Variants in ADAMTS17 observed in about 807,000 individuals in gnomAD.
ADAMTS17 encodes the protein ADAM metallopeptidase with thrombospondin type 1 motif 17.
In ADAMTS17, 113 loss-of-function variants were observed where a neutral mutation model predicts 141.5. The observed-to-expected ratio is 0.80, with a 90% CI of 0.69 to 0.93. ADAMTS17 has a LOEUF of 0.93. ADAMTS17 is among the 40% of genes least tolerant of loss of function. ADAMTS17 has a pLI of 0.00. For synonymous variants in ADAMTS17, 768 were observed against 630.6 expected, an observed-to-expected ratio of 1.22 and a Z score of -3.27; for missense variants, 1,659 against 1,517.9, an observed-to-expected ratio of 1.09 and a Z score of -1.54.
At chr15:100,229,230 C>T (rs944516769) in intron 7 of ADAMTS17, among the ~76,000 whole-genome samples, 3 of 152,140 alleles carry the variant, frequency 2.0e-5, no homozygotes, top group African/African-American at 4.8e-5. Context: ...AAATAGGACG[C>T]AAAGATGGTT....
intron 8 of ADAMTS17, among the ~76,000 whole-genome samples, chr15:100,166,940 A>G (rs2039972789): frequency 6.6e-6 from 1 of 152,218 alleles, no homozygotes; most frequent in African/African-American, 2.4e-5. Flanking sequence ...TCACAGAGAA[A>G]TCAGCAGGCT....
At chr15:100,243,754 CA>C (rs1278566355) in intron 7 of ADAMTS17, among the ~76,000 whole-genome samples, 1 of 148,100 alleles carries the variant, frequency 6.8e-6, no homozygotes, top group African/African-American at 2.5e-5. Context: ...CCTGCCACTG[CA>C]CTCCAGCCTG....
intron 4 of ADAMTS17, among the ~76,000 whole-genome samples, chr15:100,263,567 C>T (rs574803686): frequency 3.9e-4 from 60 of 152,242 alleles, no homozygotes; most frequent in Non-Finnish European, 6.0e-4. Flanking sequence ...TGGAATAAGG[C>T]GAAGGAGTCA....
chr15:100,314,727 C>G (rs1004584058), intron 3 of ADAMTS17, among the ~76,000 whole-genome samples: 5 of 152,140 alleles, frequency 3.3e-5, no homozygotes, highest in Admixed American at 6.5e-5. Flanking sequence ...CATCGTCAGA[C>G]AAGACTTTGG....
intron 20 of ADAMTS17, chr15:99,979,913 C>G (rs1017821999): frequency 6.6e-6 from 1 of 152,206 alleles, no homozygotes; most frequent in African/African-American, 2.4e-5. Context: ...TCACTAGAGA[C>G]TTTTATATCT....
chr15:100,089,603 C>A (rs568766033), intron 15 of ADAMTS17, among the ~76,000 whole-genome samples: 1 of 151,916 alleles, frequency 6.6e-6, no homozygotes, highest in South Asian at 2.1e-4. Flanking sequence ...CAGTGATTGA[C>A]TGGATTAAGA....
chr15:100,337,614 A>G (rs1021790300), intron 2 of ADAMTS17, among the ~76,000 whole-genome samples: 8 of 152,246 alleles, frequency 5.3e-5, no homozygotes, highest in Non-Finnish European at 1.0e-4. Flanking sequence ...GGCAGGCCAC[A>G]GCTTTTTCCA....
intron 18 of ADAMTS17, among the ~76,000 whole-genome samples, chr15:100,027,787 G>A (rs370942983): frequency 6.6e-6 from 1 of 152,222 alleles, no homozygotes; most frequent in African/African-American, 2.4e-5. Context: ...ATACTCGAAG[G>A]ATAGTTTAGC....
At chr15:100,288,641 C>CA (rs1184121630) in intron 3 of ADAMTS17, among the ~76,000 whole-genome samples, 6 of 152,212 alleles carry the variant, frequency 3.9e-5, no homozygotes, top group South Asian at 2.1e-4. Context: ...AGCACATTCA[C>CA]AAAAAACCCA....
At chr15:100,069,501 A>G (rs1046623251) in intron 15 of ADAMTS17, among the ~76,000 whole-genome samples, 24 of 152,298 alleles carry the variant, frequency 1.6e-4, no homozygotes, top group South Asian at 2.1e-4. Flanking sequence ...GAGAAAGGTC[A>G]GGTTACCCAC....
intron 7 of ADAMTS17, among the ~76,000 whole-genome samples, chr15:100,200,120 T>C (rs2041268633): frequency 6.6e-6 from 1 of 152,198 alleles, no homozygotes; most frequent in African/African-American, 2.4e-5. Context: ...GCCAAACGTG[T>C]GTCTCCACAC....
chr15:100,333,041 G>A (rs1184227967), intron 2 of ADAMTS17, among the ~76,000 whole-genome samples: 5 of 152,118 alleles, frequency 3.3e-5, no homozygotes, highest in East Asian at 3.9e-4. Flanking sequence ...GTGGTCAAAC[G>A]TCCTGTTGAG....
rs75995173 is a variant in ADAMTS17, at chr15:100,220,693, C to T, written c.1076-21270G>A. Among the ~76,000 whole-genome samples the T allele has an allele frequency of 2.0e-3, 300 of 152,260 alleles. 1 individual carries two copies. The highest frequency in any genetic ancestry group is 6.9e-3 in the African/African-American group (287 of 41,534). On this transcript the variant is annotated intron_variant, in intron 7 of 21. Coordinates refer to ENST00000268070, the MANE Select transcript of ADAMTS17 (RefSeq NM_139057.4). ...CAGCCCACTTCCTCCTCCCCGAGCC[C>T]CTGGCACCCACTAATCTACTTTGTC...
At chr15:100,275,751 T>TC (rs2044059446) in intron 4 of ADAMTS17, among the ~76,000 whole-genome samples, 1 of 151,814 alleles carries the variant, frequency 6.6e-6, no homozygotes, top group Non-Finnish European at 1.5e-5. Flanking sequence ...AGCTGGTGCA[T>TC]CATAAGCAGT....
intron 15 of ADAMTS17, among the ~76,000 whole-genome samples, chr15:100,069,137 G>C (rs1045430505): frequency 1.3e-5 from 2 of 152,168 alleles, no homozygotes; most frequent in Non-Finnish European, 2.9e-5. Context: ...GGAAGAAAGG[G>C]TATCAGCAAT....
Position 100,124,632 on chromosome 15 carries a change from G to A in ADAMTS17, c.1721+7375C>T, listed in dbSNP as rs72770242. Among the ~76,000 whole-genome samples the A allele has an allele frequency of 4.6e-3, 704 of 152,350 alleles. 4 individuals are homozygous for A. Among genetic ancestry groups the A allele is most frequent in the Middle Eastern group, 0.024 (7 of 294 alleles). On this transcript the variant is annotated intron_variant, in intron 12 of 21. Transcript: ENST00000268070. ...CCTCCTACTGTACTGACATATACCT[G>A]CACGTGCGCCCCAACACACATGCTC...
chr15:100,052,523 T>G (rs1439953257), intron 16 of ADAMTS17, among the ~76,000 whole-genome samples: 1 of 152,250 alleles, frequency 6.6e-6, no homozygotes, highest in Non-Finnish European at 1.5e-5. Flanking sequence ...TTTAACGGGC[T>G]AACCACTTGC....
intron 13 of ADAMTS17, among the ~76,000 whole-genome samples, chr15:100,114,876 A>G (rs997241345): frequency 6.6e-6 from 1 of 152,232 alleles, no homozygotes; most frequent in Non-Finnish European, 1.5e-5. Flanking sequence ...GAAGGAAAAC[A>G]GAAGTTTAAT....
chr15:100,111,148 C>T (rs1273970589), intron 13 of ADAMTS17, among the ~76,000 whole-genome samples: 1 of 152,188 alleles, frequency 6.6e-6, no homozygotes, highest in African/African-American at 2.4e-5. Flanking sequence ...ATTCACCAAG[C>T]AGGGACTGAC....
Sources: allele counts gnomAD v4.1 joint callset (sites outside exome capture counted in the v4.1 genomes callset), GRCh38; gene constraint gnomAD v4.1.1; transcripts MANE v1.5; gene names NCBI Gene and HGNC (gene_info 2026-07-23, HGNC 2026-07-21).